Variants in MALRD1 observed in about 807,000 individuals in gnomAD.
MALRD1 encodes MAM and LDL receptor class A domain containing 1.
A neutral mutation model predicts 242.1 loss-of-function variants in MALRD1; 247 were observed. The observed-to-expected ratio is 1.02, with a 90% confidence interval of 0.92 to 1.13. MALRD1 has a LOEUF of 1.13. Among genes scored for constraint, MALRD1 ranks in the 50% most tolerant of loss-of-function variants. The probability of loss-of-function intolerance (pLI) is 0.00; values close to 1 mark genes in which losing one functional copy is unlikely to be tolerated. For missense variants in MALRD1, 2,989 were observed against 2,533.1 expected, an observed-to-expected ratio of 1.18 and a Z score of -3.86; for synonymous variants, 995 against 866.6, an observed-to-expected ratio of 1.15 and a Z score of -2.60.
intron 38 of MALRD1, chr10:19,721,761 G>A (rs541168979): frequency 6.6e-6 from 1 of 152,310 alleles, no homozygotes; most frequent in South Asian, 2.1e-4. Flanking sequence ...AGTAGAAATA[G>A]ATAGAAAGGC....
intron 2 of MALRD1, among the ~76,000 whole-genome samples, chr10:19,081,830 T>G (rs2131281627): frequency 6.6e-6 from 1 of 152,144 alleles, no homozygotes; most frequent in South Asian, 2.1e-4. Context: ...TTCAGCTTTC[T>G]TTTGGTTATT....
chr10:19,638,443 T>A (rs1179245752), intron 36 of MALRD1, among the ~76,000 whole-genome samples: 1 of 152,126 alleles, frequency 6.6e-6, no homozygotes, highest in East Asian at 1.9e-4. Context: ...GCAGAAGGTT[T>A]ATTTTAGAAA....
chr10:19,282,754 A>G (rs1198700684), intron 20 of MALRD1, among the ~76,000 whole-genome samples: 1 of 152,192 alleles, frequency 6.6e-6, no homozygotes, highest in Non-Finnish European at 1.5e-5. Flanking sequence ...TTTAGAAGCT[A>G]ATTAAAATCT....
chr10:19,055,838 G>A (rs1834647433), intron 1 of MALRD1, among the ~76,000 whole-genome samples: 1 of 152,136 alleles, frequency 6.6e-6, no homozygotes, highest in South Asian at 2.1e-4. Flanking sequence ...CAGACACTGG[G>A]GACTACTGAA....
chr10:19,477,897 T>C (rs1836813485), intron 29 of MALRD1, among the ~76,000 whole-genome samples: 1 of 152,168 alleles, frequency 6.6e-6, no homozygotes, highest in South Asian at 2.1e-4. Context: ...ATTGTACACA[T>C]GGTTGACAAA....
Position 19,213,710 on chromosome 10 carries a change from G to A in MALRD1, c.2991+4030G>A, listed in dbSNP as rs142250660. Among the ~76,000 whole-genome samples, 445 of 152,156 alleles carry A rather than the reference G, an allele frequency of 2.9e-3. 3 individuals carry two copies. The highest frequency in any genetic ancestry group is 0.01 in the Middle Eastern group (3 of 294). ...TTCTGTCTTTTGTTGTTACTGTTGCGTCTCTGCTAAATTGTGTCTGGATGT... is the reference window on the plus strand; with the variant it reads ...TTCTGTCTTTTGTTGTTACTGTTGCATCTCTGCTAAATTGTGTCTGGATGT... On this transcript the variant is annotated intron_variant, in intron 18 of 39. Coordinates refer to ENST00000454679, the MANE Select transcript of MALRD1 (RefSeq NM_001142308.3).
chr10:19,492,158 G>T (rs1837520735), intron 30 of MALRD1, among the ~76,000 whole-genome samples: 2 of 151,996 alleles, frequency 1.3e-5, no homozygotes, highest in South Asian at 4.2e-4. Flanking sequence ...TTTAATTCAA[G>T]CAATGTTTAA....
rs985204219 is a variant in MALRD1, at chr10:19,300,193, C to T, written c.3419+17012C>T. Among the ~76,000 whole-genome samples the T allele has an allele frequency of 1.6e-4, 24 of 151,688 alleles. 1 individual carries two copies. The highest frequency in any genetic ancestry group is 5.6e-4 in the African/African-American group (23 of 41,306). ...TGAAAGATCTTTATAACAAGAATTACGAAACACTTCTGAAATAAAACAGAG... is the reference window on the plus strand; with the variant it reads ...TGAAAGATCTTTATAACAAGAATTATGAAACACTTCTGAAATAAAACAGAG... On this transcript the variant is annotated intron_variant, in intron 21 of 39. Coordinates refer to ENST00000454679, the MANE Select transcript of MALRD1 (RefSeq NM_001142308.3).
chr10:19,695,613 G>A (rs972630563), intron 38 of MALRD1, among the ~76,000 whole-genome samples: 13 of 150,916 alleles, frequency 8.6e-5, no homozygotes, highest in African/African-American at 3.2e-4. Context: ...TCCACCACCT[G>A]AGTTCAAATG....
intron 24 of MALRD1, among the ~76,000 whole-genome samples, chr10:19,333,472 T>G (rs565082168): frequency 2.0e-5 from 3 of 152,300 alleles, no homozygotes; most frequent in Admixed American, 6.5e-5. Context: ...GCAAAGGACT[T>G]GATTTCATTC....
chr10:19,076,924 A>T lies in MALRD1; in HGVS notation c.340+10065A>T, dbSNP rs563709219. ...ACAATATTAAGTTTTCCAGGCTATC[A>T]TGCATCATGTCTTTCCATTTACTTA... On this transcript the variant is annotated intron_variant, in intron 2 of 39. Transcript: ENST00000454679. Among the ~76,000 whole-genome samples the T allele has an allele frequency of 4.6e-5, 7 of 152,052 alleles. No homozygotes were observed. The South Asian group carries it at 1.5e-3, about 32-fold the overall frequency.
intron 21 of MALRD1, among the ~76,000 whole-genome samples, chr10:19,321,192 C>G (rs979553015): frequency 1.3e-5 from 2 of 152,074 alleles, no homozygotes; most frequent in Non-Finnish European, 2.9e-5. Flanking sequence ...TCCTGCACCT[C>G]TGTTCTTCTC....
intron 6 of MALRD1, among the ~76,000 whole-genome samples, chr10:19,124,125 G>T (rs1837166902): frequency 6.6e-6 from 1 of 152,060 alleles, no homozygotes; most frequent in East Asian, 1.9e-4. Flanking sequence ...GCTGAGGCTG[G>T]AAGATTGCTT....
At chr10:19,246,533 C>G (rs940523441) in intron 18 of MALRD1, among the ~76,000 whole-genome samples, 1 of 152,078 alleles carries the variant, frequency 6.6e-6, no homozygotes, top group Non-Finnish European at 1.5e-5. Context: ...AAAGGGATTT[C>G]TGATTTGAGG....
rs199973822 is a variant in MALRD1, at chr10:19,731,492, T to TTGTGTGTGTGTGTGTGTGTG, written c.6390+720_6390+739dup. On this transcript the variant is annotated intron_variant, in intron 39 of 39. Transcript: ENST00000454679. Reference sequence around the variant, plus strand: ...TATCTATCACCTCACATAGTTTACTTTGTGTGTGTGTGTGTGTGTGTGTGT... The same window carrying TTGTGTGTGTGTGTGTGTGTG: ...TATCTATCACCTCACATAGTTTACTTTGTGTGTGTGTGTGTGTGTGTGTGTGTGTGTGTGTGTGTGTGTGT... Among the ~76,000 whole-genome samples the TTGTGTGTGTGTGTGTGTGTG allele has an allele frequency of 3.2e-3, 475 of 146,976 alleles. 3 individuals are homozygous for TTGTGTGTGTGTGTGTGTGTG. Among genetic ancestry groups the TTGTGTGTGTGTGTGTGTGTG allele is most frequent in the African/African-American group, 0.011 (452 of 40,286 alleles).
chr10:19,130,154 G>A (rs190667487), intron 8 of MALRD1, among the ~76,000 whole-genome samples: 3 of 151,960 alleles, frequency 2.0e-5, no homozygotes, highest in Non-Finnish European at 2.9e-5. Flanking sequence ...GGTAACGTGT[G>A]GGGGGAGGAA....
intron 5 of MALRD1, among the ~76,000 whole-genome samples, chr10:19,116,969 C>T (rs1165423525): frequency 1.3e-5 from 2 of 151,858 alleles, no homozygotes. Flanking sequence ...GTGGCGGGCC[C>T]CTGTAGTCCC....
At chr10:19,419,909 A>G (rs368700053) in intron 28 of MALRD1, among the ~76,000 whole-genome samples, 3 of 152,332 alleles carry the variant, frequency 2.0e-5, no homozygotes, top group African/African-American at 7.2e-5. Flanking sequence ...GAAAAAAATA[A>G]AAAGAAGACA....
chr10:19,504,887 T>C lies in MALRD1; in HGVS notation c.5320+6241T>C, dbSNP rs535631094. ...TTAGTAGAGACGGGGTTTCACCTTG[T>C]TAGCCAGGATGGTCTCGATCTCCTG... On this transcript the variant is annotated intron_variant, in intron 31 of 39. Coordinates refer to ENST00000454679, the MANE Select transcript of MALRD1 (RefSeq NM_001142308.3). Among the ~76,000 whole-genome samples, 556 of 151,260 alleles carry C rather than the reference T, an allele frequency of 3.7e-3. 8 individuals carry two copies. Among genetic ancestry groups the C allele is most frequent in the Non-Finnish European group, 1.3e-3 (90 of 67,834 alleles).
Sources: gnomAD v4.1 joint callset for allele counts (sites outside exome capture counted in the v4.1 genomes callset) on GRCh38, gnomAD v4.1.1 for gene constraint, MANE v1.5 for transcripts, NCBI Gene and HGNC (gene_info 2026-07-23, HGNC 2026-07-21) for gene names.